Variants in FMNL2 observed in about 807,000 individuals in gnomAD.
The protein encoded by FMNL2 is formin-like protein 2.
In FMNL2, 51 loss-of-function variants were observed where a neutral mutation model predicts 130.2. That is an observed-to-expected ratio of 0.39 (90% CI 0.31 to 0.49). The LOEUF (loss-of-function observed/expected upper bound fraction) is 0.49. Ranked by LOEUF, FMNL2 falls within the 20% of genes least tolerant of loss-of-function variation. The pLI is 0.85. For missense variants in FMNL2, 977 were observed against 1,316.2 expected (o/e 0.74, Z 3.99); for synonymous variants, 465 against 467.1 (o/e 1.00, Z 0.06).
intron 15 of FMNL2, chr2:152,625,199 AC>A (rs929349327): frequency 3.8e-5 from 16 of 422,874 alleles, no homozygotes; most frequent in African/African-American, 1.4e-4. Flanking sequence ...AAAAAAATCA[AC>A]CCTTGGCCCT....
chr2:152,419,880 G>A (rs1249831916), intron 1 of FMNL2, among the ~76,000 whole-genome samples: 1 of 152,138 alleles, frequency 6.6e-6, no homozygotes, highest in African/African-American at 2.4e-5. Flanking sequence ...ATTGTAACAG[G>A]CAAGTTTCTG....
chr2:152,616,977 C>T lies in FMNL2; in HGVS notation c.1213-114C>T, dbSNP rs369099057. The T allele has an allele frequency of 1.1e-4, 83 of 780,270 alleles. 1 individual carries two copies. The highest frequency in any genetic ancestry group is 8.2e-4 in the Admixed American group (29 of 35,152). The allele number at this position is 780,270 out of a possible 1,614,324, so 48.3% of individuals were successfully genotyped here. A position where few individuals can be genotyped will look rare whatever the true frequency, so the allele number is the denominator to read the frequency against. On this transcript the variant is annotated intron_variant, in intron 12 of 25. Transcript: ENST00000288670. ...ATTACCATTTCCAGAAAACAACTTG[C>T]GGAACACATGCAGGGCCCTGGTCCC...
chr2:152,569,744 T>C (rs547929399), intron 6 of FMNL2, among the ~76,000 whole-genome samples: 86 of 147,732 alleles, frequency 5.8e-4, no homozygotes, highest in Non-Finnish European at 1.2e-3. Flanking sequence ...GCATGGTGGC[T>C]CACATCTGTA....
chr2:152,525,899 A>G (rs1173484086), intron 2 of FMNL2, among the ~76,000 whole-genome samples: 2 of 152,174 alleles, frequency 1.3e-5, no homozygotes, highest in African/African-American at 2.4e-5. Flanking sequence ...TACCATATAC[A>G]TGTATTTAAT....
intron 1 of FMNL2, among the ~76,000 whole-genome samples, chr2:152,416,152 G>T (rs10497101): frequency 0.3 from 45,429 of 151,926 alleles, 7,276 homozygotes; most frequent in Middle Eastern, 0.44. Context: ...ATGGACATAC[G>T]GCTCATTTTC....
intron 1 of FMNL2, among the ~76,000 whole-genome samples, chr2:152,491,884 G>A (rs915773942): frequency 1.2e-4 from 19 of 152,248 alleles, no homozygotes; most frequent in African/African-American, 4.6e-4. Context: ...TCGGGAGGCG[G>A]AGGTTGCAGT....
chr2:152,393,092 CA>C (rs1455348659), intron 1 of FMNL2, among the ~76,000 whole-genome samples: 1 of 152,180 alleles, frequency 6.6e-6, no homozygotes, highest in Non-Finnish European at 1.5e-5. Flanking sequence ...ACCCTTCCCT[CA>C]TCTTTGTAAA....
intron 25 of FMNL2, chr2:152,643,679 AATT>A (rs1683296125): frequency 1.4e-6 from 2 of 1,435,568 alleles, no homozygotes; most frequent in Non-Finnish European, 1.8e-6. Context: ...TTTGCATTTC[AATT>A]ATTATTGCTC....
At chr2:152,627,645 C>G (rs58170098) in intron 17 of FMNL2, among the ~76,000 whole-genome samples, 2,541 of 152,176 alleles carry the variant, frequency 0.017, 76 homozygotes, top group African/African-American at 0.058. Flanking sequence ...AAATGTAATT[C>G]TATTATTTAG....
intron 1 of FMNL2, among the ~76,000 whole-genome samples, chr2:152,341,022 C>G (rs368281691): frequency 1.3e-5 from 2 of 152,200 alleles, no homozygotes; most frequent in East Asian, 1.9e-4. Context: ...AAGTTTACTT[C>G]CCACTGCAAG....
chr2:152,521,176 T>C (rs1040555046), intron 1 of FMNL2, among the ~76,000 whole-genome samples: 3 of 152,186 alleles, frequency 2.0e-5, no homozygotes, highest in Non-Finnish European at 4.4e-5. Flanking sequence ...AAACCTAGTA[T>C]CTTAAAAATG....
chr2:152,625,470 T>G lies in FMNL2; in HGVS notation c.1870T>G (p.Phe624Val), dbSNP rs753376516. 5 of 1,611,022 alleles carry G rather than the reference T, an allele frequency of 3.1e-6. No individual in the cohort carries two copies. In the Admixed American group the frequency reaches 6.7e-5, roughly 21 times the overall value. The change falls in exon 16 of 26, where the codon TTC becomes GTC. Residue 624 changes from phenylalanine (F) to valine (V), a missense_variant. Transcript: ENST00000288670. ...VKIKKPIKTK[F>V]RMPVFNWVAL... is the part of the protein sequence containing the mutation. ...AATTAAGAAGCCAATCAAGACGAAG[T>G]TCAGAATGCCAGTGTTTAACTGGGT...
chr2:152,434,552 C>T (rs1687648390), intron 1 of FMNL2, among the ~76,000 whole-genome samples: 1 of 152,054 alleles, frequency 6.6e-6, no homozygotes, highest in African/African-American at 2.4e-5. Flanking sequence ...ATTTTAGTTT[C>T]TGTGAAGTGA....
chr2:152,516,492 T>C (rs1333393705), intron 1 of FMNL2, among the ~76,000 whole-genome samples: 2 of 152,210 alleles, frequency 1.3e-5, no homozygotes, highest in Non-Finnish European at 2.9e-5. Flanking sequence ...AGTGGTTATA[T>C]AGTAGAAGAG....
At chr2:152,569,019 A>G (rs926641340) in intron 6 of FMNL2, among the ~76,000 whole-genome samples, 2 of 151,986 alleles carry the variant, frequency 1.3e-5, no homozygotes, top group African/African-American at 4.8e-5. Flanking sequence ...TACGTTTACC[A>G]CCATTGTTAT....
chr2:152,579,295 T>A (rs1696644579), intron 8 of FMNL2, among the ~76,000 whole-genome samples: 1 of 152,148 alleles, frequency 6.6e-6, no homozygotes, highest in Admixed American at 6.6e-5. Context: ...TTGATAAAGA[T>A]TTACGTATAT....
At position 152,513,777 on chromosome 2, in the gene FMNL2, A is replaced by G. The variant is rs188210420; in HGVS notation, c.118-8166A>G. ...GATGTTACTAGATTAGGGAGAGCCT[A>G]ATTTCTCCCTTTGTGAGCTTCACTG... On this transcript the variant is annotated intron_variant, in intron 1 of 25. Transcript: ENST00000288670. 9.7e-4 allele frequency among the ~76,000 whole-genome samples: 147 copies of G among 152,260 alleles called. 1 individual carries two copies. Among genetic ancestry groups the G allele is most frequent in the African/African-American group, 3.3e-3 (138 of 41,554 alleles).
At chr2:152,646,531 C>T (rs1683581650) in intron 25 of FMNL2, among the ~76,000 whole-genome samples, 1 of 150,498 alleles carries the variant, frequency 6.6e-6, no homozygotes, top group African/African-American at 2.4e-5. Flanking sequence ...AGCCAGAAAC[C>T]CTGGTCTTTA....
chr2:152,643,392 G>C, intron 25 of FMNL2: 1 of 1,535,690 alleles, frequency 6.5e-7, no homozygotes, highest in Non-Finnish European at 8.7e-7. Flanking sequence ...TTCTGTTTGT[G>C]TTGTTTGGCT....
Sources: allele counts gnomAD v4.1 joint callset (sites outside exome capture counted in the v4.1 genomes callset), GRCh38; gene constraint gnomAD v4.1.1; transcripts MANE v1.5; gene names NCBI Gene and HGNC (gene_info 2026-07-23, HGNC 2026-07-21).